The following PAK1 variants were observed in gnomAD, a reference collection of about 807,000 sequenced individuals.
The protein encoded by PAK1 is p21 (RAC1) activated kinase 1, also known as serine/threonine-protein kinase PAK 1.
Under a neutral mutation model 67.4 loss-of-function variants are expected in PAK1, and 29 were observed. That is an observed-to-expected ratio of 0.43 (90% CI 0.32 to 0.59). The LOEUF (loss-of-function observed/expected upper bound fraction) is 0.59, where lower values mean the gene tolerates loss of function less well. Among genes scored for constraint, PAK1 ranks in the 20% least tolerant of loss-of-function variants. PAK1 has a pLI of 0.07. For synonymous variants in PAK1, 223 were observed against 237.4 expected (o/e 0.94, Z 0.56); for missense variants, 337 against 670.7 (o/e 0.50, Z 5.50).
At chr11:77,480,725 T>G in the PAK1 span, among the ~76,000 whole-genome samples, 45 of 152,138 alleles carry the variant, frequency 3.0e-4, no homozygotes, top group African/African-American at 8.4e-4. Context: ...GGTTTCACCA[T>G]GTTGGCCAGA....
intron 1 of PAK1, among the ~76,000 whole-genome samples, chr11:77,400,309 C>A (rs1952500781): frequency 6.6e-6 from 1 of 152,126 alleles, no homozygotes; most frequent in African/African-American, 2.4e-5. Flanking sequence ...CAGATCACAG[C>A]AGGTCTTTTA....
At chr11:77,489,566 G>C in the PAK1 span, among the ~76,000 whole-genome samples, 2 of 152,052 alleles carry the variant, frequency 1.3e-5, no homozygotes, top group African/African-American at 4.8e-5. Flanking sequence ...CTCCTGCCTC[G>C]GCCTGCGGAG....
At chr11:77,365,780 C>A (rs1422730376) in intron 5 of PAK1, among the ~76,000 whole-genome samples, 1 of 151,912 alleles carries the variant, frequency 6.6e-6, no homozygotes, top group East Asian at 1.9e-4. Context: ...TTGCAGTGAA[C>A]CAAGATCGCA....
intron 1 of PAK1, among the ~76,000 whole-genome samples, chr11:77,395,180 C>G (rs1486154326): frequency 6.6e-6 from 1 of 152,168 alleles, no homozygotes; most frequent in African/African-American, 2.4e-5. Flanking sequence ...GGAAATGTGT[C>G]CTCATCACTT....
intron 1 of PAK1, among the ~76,000 whole-genome samples, chr11:77,410,294 C>G (rs1277579975): frequency 6.6e-6 from 1 of 152,142 alleles, no homozygotes; most frequent in African/African-American, 2.4e-5. Flanking sequence ...TGCTTATTCC[C>G]TACTGCCTAC....
In PAK1 at chr11:77,449,228, A is replaced by G. The variant is rs1956748203; in HGVS notation, c.-22+24324T>C. 2.6e-5 allele frequency among the ~76,000 whole-genome samples: 4 copies of G among 152,332 alleles called. No individual in the cohort carries two copies. The South Asian group carries it at 8.3e-4, about 32-fold the overall frequency. On this transcript the variant is annotated intron_variant, in intron 1 of 14. Coordinates refer to ENST00000356341, the MANE Select transcript of PAK1 (RefSeq NM_002576.5). ...CTTCCACCACTTCCTGAGGCCTTAC[A>G]CAATTCAATTCAACCTCAAAAGGGA... is the stretch of plus-strand genomic sequence containing the variant.
chr11:77,380,048 G>T, intron 2 of PAK1, 54 bp from the exon 3 acceptor site: 1 of 1,394,036 alleles, frequency 7.2e-7, no homozygotes, highest in Non-Finnish European at 1.0e-6. Context: ...ATTGTTTTTA[G>T]GCTTATTTTA....
chr11:77,459,814 AC>A lies in PAK1; in HGVS notation c.-22+13737del, dbSNP rs143211605. 1.4e-4 allele frequency among the ~76,000 whole-genome samples: 21 copies of A among 148,722 alleles called. No individual in the cohort carries two copies. The East Asian group carries it at 3.8e-3, about 27-fold the overall frequency. On this transcript the variant is annotated intron_variant, in intron 1 of 14. Transcript: ENST00000356341. ...TTCACGCCATTCTCCTGCCTGAGCCACCCCCGCGAGCAGCTGGGACTACAGG... is the reference window on the plus strand; with the variant it reads ...TTCACGCCATTCTCCTGCCTGAGCCACCCCGCGAGCAGCTGGGACTACAGG...
chr11:77,425,842 G>A (rs2138242648), intron 1 of PAK1, among the ~76,000 whole-genome samples: 1 of 152,266 alleles, frequency 6.6e-6, no homozygotes, highest in East Asian at 1.9e-4. Flanking sequence ...AGTGGCTTCT[G>A]CGTATAATCC....
At chr11:77,405,962 G>T (rs1953493589) in intron 1 of PAK1, among the ~76,000 whole-genome samples, 1 of 152,168 alleles carries the variant, frequency 6.6e-6, no homozygotes, top group East Asian at 1.9e-4. Context: ...AAACGCAATT[G>T]ACCTCTCTTC....
At chr11:77,458,271 T>C (rs914751433) in intron 1 of PAK1, among the ~76,000 whole-genome samples, 1 of 152,210 alleles carries the variant, frequency 6.6e-6, no homozygotes, top group Non-Finnish European at 1.5e-5. Context: ...AGTTAATTCT[T>C]AGAACAAAGA....
chr11:77,389,571 T>C (rs561137630), intron 2 of PAK1, among the ~76,000 whole-genome samples: 1 of 152,352 alleles, frequency 6.6e-6, no homozygotes, highest in Admixed American at 6.5e-5. Context: ...TGAAGTGGTA[T>C]CTCATTGTGG....
At chr11:77,388,159 T>A (rs79962741) in intron 2 of PAK1, among the ~76,000 whole-genome samples, 2,585 of 152,376 alleles carry the variant, frequency 0.017, 33 homozygotes, top group South Asian at 0.052. Context: ...GATGCAGTTT[T>A]GATCTTGAGG....
In PAK1 at chr11:77,380,000, A is replaced by T. The variant is rs773707455; in HGVS notation, c.191-6T>A. 3.7e-6 allele frequency: 6 copies of T among 1,603,568 alleles called. No homozygotes were observed. Among genetic ancestry groups the T allele is most frequent in the Non-Finnish European group, 5.1e-6 (6 of 1,171,408 alleles). On this transcript the variant is annotated splice_polypyrimidine_tract_variant and splice_region_variant and intron_variant, in intron 2 of 14. Coordinates refer to ENST00000356341, the MANE Select transcript of PAK1 (RefSeq NM_002576.5). ...TTTCTCTTTCTTTTTATTTGCTGCA[A>T]GAGAAACAGGCAAAAGGAAATAAAA...
intron 1 of PAK1, among the ~76,000 whole-genome samples, chr11:77,428,056 G>C (rs1054369636): frequency 6.6e-6 from 1 of 152,188 alleles, no homozygotes; most frequent in Non-Finnish European, 1.5e-5. Context: ...AAATGAGGAC[G>C]AAAGGTACCT....
At chr11:77,356,774 AC>A (rs1257703749) in intron 6 of PAK1, among the ~76,000 whole-genome samples, 17 of 152,242 alleles carry the variant, frequency 1.1e-4, no homozygotes, top group Middle Eastern at 3.4e-3. Context: ...TGCTGCCCCA[AC>A]CTCTCATTCT....
chr11:77,434,689 G>A (rs1376025289), intron 1 of PAK1, among the ~76,000 whole-genome samples: 1 of 151,934 alleles, frequency 6.6e-6, no homozygotes, highest in Admixed American at 6.6e-5. Context: ...CATGATGTCT[G>A]CTCACTGCAA....
rs375544155 is a variant in PAK1 at position 77,385,582 on chromosome 11, G to A, written c.191-5588C>T. 2.2e-4 allele frequency among the ~76,000 whole-genome samples: 34 copies of A among 152,284 alleles called. 1 individual carries two copies. In the East Asian group the frequency reaches 5.8e-3, roughly 26 times the overall value. ...CGATGTTAAGAATTCTTGGCTGGGC[G>A]CAGTGGCCCATGCCTGTAATCCCAG... On this transcript the variant is annotated intron_variant, in intron 2 of 14. Coordinates refer to ENST00000356341, the MANE Select transcript of PAK1 (RefSeq NM_002576.5).
At chr11:77,415,098 T>C (rs1204371793) in intron 1 of PAK1, among the ~76,000 whole-genome samples, 5 of 152,158 alleles carry the variant, frequency 3.3e-5, no homozygotes, top group Non-Finnish European at 7.4e-5. Context: ...AAGGAAGATA[T>C]ATGCATGACA....
Sources: allele counts gnomAD v4.1 joint callset (sites outside exome capture counted in the v4.1 genomes callset), GRCh38; gene constraint gnomAD v4.1.1; transcripts MANE v1.5; gene names NCBI Gene and HGNC (gene_info 2026-07-23, HGNC 2026-07-21).